PARPBP: variants seen among roughly 807,000 people sequenced by gnomAD.
PARPBP encodes the protein PARP1 binding protein, also known as PCNA-interacting partner.
PARPBP carries 52 observed loss-of-function variants against 50.0 expected under a neutral mutation model. The observed-to-expected ratio is 1.04, with a 90% CI of 0.83 to 1.31. PARPBP has a LOEUF of 1.31. Among genes scored for constraint, PARPBP ranks in the 50% most tolerant of loss-of-function variants. The pLI is 0.00. For synonymous variants in PARPBP, 244 were observed against 232.1 expected (o/e 1.05, Z -0.47); for missense variants, 697 against 672.0 (o/e 1.04, Z -0.41).
At chr12:102,163,697 C>G (rs1053045584) in intron 4 of PARPBP, among the ~76,000 whole-genome samples, 2 of 152,110 alleles carry the variant, frequency 1.3e-5, no homozygotes, top group African/African-American at 4.8e-5. Flanking sequence ...ACAATACTTT[C>G]TTCTACTCTC....
At chr12:102,143,774 G>C (rs1452017583) in intron 2 of PARPBP, among the ~76,000 whole-genome samples, 1 of 151,610 alleles carries the variant, frequency 6.6e-6, no homozygotes, top group Non-Finnish European at 1.5e-5. Flanking sequence ...GTTAATAGAG[G>C]CTATTTTTTT....
At position 102,175,516 on chromosome 12, in the gene PARPBP, G is replaced by T. The variant is rs1347216927; in HGVS notation, c.855G>T (p.Lys285Asn). 6.2e-7 allele frequency: 1 copy of T among 1,613,668 alleles called. No homozygotes were observed. The highest frequency in any genetic ancestry group is 1.7e-5 in the Admixed American group (1 of 60,020). ...IAGGQILSVI[K>N]MQLIKGQNSR... ...GGGGTCAAATACTGTCAGTGATAAA[G>T]ATGCAACTGATTAAAGGCCAAAACA... The change falls in exon 7 of 11, where the codon AAG (lysine) becomes AAT (asparagine). Residue 285 changes from lysine (K) to asparagine (N), a missense_variant. Coordinates refer to ENST00000327680, the MANE Select transcript of PARPBP (RefSeq NM_017915.5).
chr12:102,175,422 G>A, intron 6 of PARPBP, 61 bp from the exon 7 acceptor site: 1 of 1,066,872 alleles, frequency 9.4e-7, no homozygotes, highest in East Asian at 2.4e-5. Context: ...ATATTTTCAA[G>A]TCTATAAGCA....
At position 102,197,353 on chromosome 12, in the gene PARPBP, GATGGAAGAACT is replaced by G; in HGVS notation, c.*1064_*1074del. On this transcript the variant is annotated 3_prime_UTR_variant, in exon 11 of 11. Coordinates refer to ENST00000327680, the MANE Select transcript of PARPBP (RefSeq NM_017915.5). Reference sequence around the variant, plus strand: ...CTTTCAGATAAGAGGTGTTTGCTGGGATGGAAGAACTACCTGGCATGTAAGAAATATCGTCA... The same window carrying G: ...CTTTCAGATAAGAGGTGTTTGCTGGGACCTGGCATGTAAGAAATATCGTCA... The G allele has an allele frequency of 1.2e-6, 1 of 802,332 alleles. No homozygotes were observed. Among genetic ancestry groups the G allele is most frequent in the Non-Finnish European group, 1.9e-6 (1 of 515,550 alleles). The allele number at this position is 802,332 out of a possible 1,614,324, so 49.7% of individuals were successfully genotyped here.
chr12:102,133,799 A>G (rs1883213669), intron 2 of PARPBP, among the ~76,000 whole-genome samples: 1 of 152,180 alleles, frequency 6.6e-6, no homozygotes, highest in Non-Finnish European at 1.5e-5. Context: ...ATCTTTTCTG[A>G]TTACAGTGGT....
intron 2 of PARPBP, 124 bp downstream of exon 2, chr12:102,124,165 A>G (rs937115373): frequency 1.2e-5 from 8 of 669,056 alleles, no homozygotes; most frequent in East Asian, 8.2e-5. Context: ...GTGATAATAC[A>G]CCATTTTCAC....
chr12:102,178,146 G>T lies in PARPBP; in HGVS notation c.1006-446G>T, dbSNP rs533589177. 1.7e-4 allele frequency among the ~76,000 whole-genome samples: 26 copies of T among 152,318 alleles called. No individual in the cohort carries two copies. In the South Asian group the frequency reaches 4.8e-3, roughly 28 times the overall value. ...TGGGACATAGTATATGCTTATCAAT[G>T]ATTATTGAATGAATGAATGTCAACT... On this transcript the variant is annotated intron_variant, in intron 7 of 10. Transcript: ENST00000327680.
intron 9 of PARPBP, among the ~76,000 whole-genome samples, chr12:102,185,520 G>A (rs965595743): frequency 6.6e-6 from 1 of 152,152 alleles, no homozygotes; most frequent in African/African-American, 2.4e-5. Flanking sequence ...TGGTAATACT[G>A]TCCTTGTAGA....
chr12:102,180,271 C>G (rs373602774), intron 8 of PARPBP, among the ~76,000 whole-genome samples: 4 of 152,238 alleles, frequency 2.6e-5, no homozygotes, highest in Admixed American at 6.5e-5. Flanking sequence ...CATCTTACTT[C>G]TGTTTAACAA....
chr12:102,196,153 T>TA lies in PARPBP; in HGVS notation c.1606dup (p.Ile536AsnfsTer3). 1 of 1,612,002 alleles carries TA rather than the reference T, an allele frequency of 6.2e-7. No individual in the cohort carries two copies. Among genetic ancestry groups the TA allele is most frequent in the Non-Finnish European group, 8.5e-7 (1 of 1,178,544 alleles). ...ATGAACCACCTCAACATAAAAATGC[T>TA]AAAATACCTAAGAAATCAAATGATT... is the stretch of plus-strand genomic sequence containing the variant. On this transcript the variant is annotated frameshift_variant, in exon 11 of 11. Coordinates refer to ENST00000327680, the MANE Select transcript of PARPBP (RefSeq NM_017915.5). LOFTEE classifies it low-confidence loss of function (END_TRUNC).
chr12:102,151,560 T>C (rs1373208025), intron 3 of PARPBP: 2 of 1,532,944 alleles, frequency 1.3e-6, no homozygotes, highest in Admixed American at 2.0e-5. Context: ...CCTTCTGATC[T>C]ACCTGGCAGG....
chr12:102,170,837 A>G (rs758133193), intron 6 of PARPBP, among the ~76,000 whole-genome samples: 6 of 149,818 alleles, frequency 4.0e-5, no homozygotes, highest in South Asian at 2.1e-4. Context: ...ACACAAATAC[A>G]TTGTACAGCT....
chr12:102,138,248 A>C (rs1883978090), intron 2 of PARPBP, among the ~76,000 whole-genome samples: 1 of 152,188 alleles, frequency 6.6e-6, no homozygotes, highest in South Asian at 2.1e-4. Context: ...CATTTCTCTG[A>C]TGGCCAGTGA....
chr12:102,167,023 G>A (rs181196949), intron 6 of PARPBP, among the ~76,000 whole-genome samples: 551 of 152,232 alleles, frequency 3.6e-3, no homozygotes, highest in Non-Finnish European at 6.3e-3. Flanking sequence ...TGGTACTACA[G>A]TCATCTGTCA....
At chr12:102,187,968 G>T (rs1890452692) in intron 9 of PARPBP, among the ~76,000 whole-genome samples, 1 of 152,126 alleles carries the variant, frequency 6.6e-6, no homozygotes, top group South Asian at 2.1e-4. Context: ...GAAGTCTATT[G>T]TCAGCTGCTT....
chr12:102,187,527 C>A (rs950562064), intron 9 of PARPBP, among the ~76,000 whole-genome samples: 1 of 152,114 alleles, frequency 6.6e-6, no homozygotes, highest in African/African-American at 2.4e-5. Context: ...GATTGAAATA[C>A]ACTCCCTAAT....
At chr12:102,143,590 G>T (rs1163851913) in intron 2 of PARPBP, among the ~76,000 whole-genome samples, 2 of 152,150 alleles carry the variant, frequency 1.3e-5, no homozygotes, top group African/African-American at 4.8e-5. Flanking sequence ...GACTGTAGCT[G>T]TTCCTATTTG....
chr12:102,127,457 T>TA (rs1882188092), intron 2 of PARPBP, among the ~76,000 whole-genome samples: 1 of 152,174 alleles, frequency 6.6e-6, no homozygotes, highest in African/African-American at 2.4e-5. Context: ...GCCATTTTTT[T>TA]ATCCCTCTTT....
At chr12:102,142,095 C>G (rs1158172437) in intron 2 of PARPBP, among the ~76,000 whole-genome samples, 1 of 152,176 alleles carries the variant, frequency 6.6e-6, no homozygotes, top group Non-Finnish European at 1.5e-5. Context: ...CAACTTGGTT[C>G]CATTCTCCCC....
Sources: gnomAD v4.1 joint callset for allele counts (sites outside exome capture counted in the v4.1 genomes callset) on GRCh38, gnomAD v4.1.1 for gene constraint, MANE v1.5 for transcripts, NCBI Gene and HGNC (gene_info 2026-07-23, HGNC 2026-07-21) for gene names.